The following GATAD2B variants were observed in gnomAD, a reference collection of about 807,000 sequenced individuals.
The protein encoded by GATAD2B is GATA zinc finger domain containing 2B.
GATAD2B carries 8 observed loss-of-function variants against 64.3 expected under a neutral mutation model. The observed-to-expected ratio is 0.12, with a 90% CI of 0.07 to 0.22. GATAD2B has a LOEUF of 0.22. GATAD2B is among the 10% of genes least tolerant of loss of function. The pLI, the probability that GATAD2B is intolerant of heterozygous loss-of-function variation, is 1.00. For synonymous variants in GATAD2B, 281 were observed against 271.3 expected, an observed-to-expected ratio of 1.04 and a Z score of -0.35; for missense variants, 453 against 752.0, an observed-to-expected ratio of 0.60 and a Z score of 4.65.
rs538107322 is a variant in GATAD2B at position 153,836,493 on chromosome 1, C to T, written c.-1-8145G>A. Reference sequence around the variant, plus strand: ...CTTGAACTCCTGACCTCAAGTGATCCGCCCACCTTGGCCTCCCAAAGTGCT... The same window carrying T: ...CTTGAACTCCTGACCTCAAGTGATCTGCCCACCTTGGCCTCCCAAAGTGCT... On this transcript the variant is annotated intron_variant, in intron 1 of 10. Transcript: ENST00000368655. Among the ~76,000 whole-genome samples the T allele has an allele frequency of 1.1e-4, 17 of 151,518 alleles. No individual in the cohort carries two copies. The South Asian group carries it at 3.3e-3, about 30-fold the overall frequency.
rs558422238 is a variant in GATAD2B at position 153,836,887 on chromosome 1, T to C, written c.-1-8539A>G. On this transcript the variant is annotated intron_variant, in intron 1 of 10. Transcript: ENST00000368655. ...GAAAGTAAGTCAAATAATTTCCCCT[T>C]ACTATACATTAATGATTCAAGAAAG... Among the ~76,000 whole-genome samples the C allele has an allele frequency of 2.0e-5, 3 of 152,286 alleles. No individual in the cohort carries two copies. In the East Asian group the frequency reaches 5.8e-4, roughly 29 times the overall value.
intron 1 of GATAD2B, chr1:153,890,880 G>A (rs7527406): frequency 0.83 from 126,889 of 152,128 alleles, 53,352 homozygotes; most frequent in Admixed American, 0.89. Flanking sequence ...ACCATGCAAA[G>A]TTTTTCTTTA....
Position 153,828,252 on chromosome 1 carries a change from G to C in GATAD2B, c.96C>G (p.Leu32=). 1 of 1,614,068 alleles carries C rather than the reference G, an allele frequency of 6.2e-7. No homozygotes were observed. The highest frequency in any genetic ancestry group is 8.5e-7 in the Non-Finnish European group (1 of 1,180,008). The part of the protein sequence containing the change: ...DERDDVLAKR[L]KMEGHEAMER... ...CCATGGCCTCATGCCCCTCCATTTT[G>C]AGTCGCTTTGCCAGGACATCATCTC... Residue 32 remains leucine (L), a synonymous_variant, in exon 2 of 11, where the codon CTC becomes CTG. Coordinates refer to ENST00000368655, the MANE Select transcript of GATAD2B (RefSeq NM_020699.4).
chr1:153,834,833 G>C (rs1034465922), intron 1 of GATAD2B, among the ~76,000 whole-genome samples: 1 of 152,066 alleles, frequency 6.6e-6, no homozygotes, highest in Non-Finnish European at 1.5e-5. Context: ...AAGGGAGCCT[G>C]GGCAAGGCAC....
At chr1:153,883,608 T>C (rs1677069301) in intron 1 of GATAD2B, among the ~76,000 whole-genome samples, 4 of 152,242 alleles carry the variant, frequency 2.6e-5, no homozygotes, top group African/African-American at 9.6e-5. Flanking sequence ...ACTAGTTCCA[T>C]GTTGATGATG....
At chr1:153,859,432 G>GATCC (rs1676198685) in intron 1 of GATAD2B, among the ~76,000 whole-genome samples, 1 of 150,908 alleles carries the variant, frequency 6.6e-6, no homozygotes, top group African/African-American at 2.4e-5. Context: ...CACTTTGGGA[G>GATCC]ACCCAGGTGG....
chr1:153,883,599 C>CTAG (rs1677069084), intron 1 of GATAD2B, among the ~76,000 whole-genome samples: 1 of 152,212 alleles, frequency 6.6e-6, no homozygotes, highest in South Asian at 2.1e-4. Context: ...CTGAAGCTCA[C>CTAG]TAGTTCCATG....
chr1:153,811,473 T>A (rs753541499), intron 10 of GATAD2B: 7 of 515,552 alleles, frequency 1.4e-5, no homozygotes, highest in Non-Finnish European at 2.0e-5. Flanking sequence ...AATAACCACA[T>A]GTCTACTGAA....
At chr1:153,904,225 A>G (rs912756377) in intron 1 of GATAD2B, among the ~76,000 whole-genome samples, 8 of 152,090 alleles carry the variant, frequency 5.3e-5, no homozygotes, top group African/African-American at 1.9e-4. Flanking sequence ...GGGTTCAGTG[A>G]GCCAAGATTA....
chr1:153,890,320 C>A (rs1429349314), intron 1 of GATAD2B, among the ~76,000 whole-genome samples: 1 of 151,562 alleles, frequency 6.6e-6, no homozygotes, highest in Non-Finnish European at 1.5e-5. Flanking sequence ...GACCCCGTCT[C>A]TCCTAAAAAT....
At chr1:153,917,726 C>A (rs1678316276) in intron 1 of GATAD2B, among the ~76,000 whole-genome samples, 1 of 152,166 alleles carries the variant, frequency 6.6e-6, no homozygotes, top group Non-Finnish European at 1.5e-5. Flanking sequence ...ACATGCCAGG[C>A]ACTGTACTAG....
In GATAD2B at chr1:153,921,618, A is replaced by G. The variant is rs561980674; in HGVS notation, c.-2+1115T>C. The stretch of plus-strand genomic sequence containing the variant: ...TACACACACACACACGCACACACAC[A>G]CGCCCCCCAAATAAGCATTTATCAG... On this transcript the variant is annotated intron_variant, in intron 1 of 10. Coordinates refer to ENST00000368655, the MANE Select transcript of GATAD2B (RefSeq NM_020699.4). 1.8e-3 allele frequency among the ~76,000 whole-genome samples: 280 copies of G among 151,902 alleles called. 2 individuals are homozygous for G. Among genetic ancestry groups the G allele is most frequent in the African/African-American group, 6.5e-3 (269 of 41,368 alleles).
rs181393348 is a variant in GATAD2B, at chr1:153,876,705, G to C, written c.-2+46028C>G. Among the ~76,000 whole-genome samples the C allele has an allele frequency of 4.1e-3, 621 of 152,336 alleles. 5 individuals carry two copies. The highest frequency in any genetic ancestry group is 0.014 in the African/African-American group (580 of 41,588). On this transcript the variant is annotated intron_variant, in intron 1 of 10. Transcript: ENST00000368655. Reference sequence around the variant, plus strand: ...AGCAAATGTGCCAGACAATCATTTAGAAAAGGTGATATGAGAGGTCAGGGC... The same window carrying C: ...AGCAAATGTGCCAGACAATCATTTACAAAAGGTGATATGAGAGGTCAGGGC...
intron 1 of GATAD2B, among the ~76,000 whole-genome samples, chr1:153,919,126 T>G (rs910248564): frequency 2.0e-5 from 3 of 152,226 alleles, no homozygotes; most frequent in African/African-American, 7.2e-5. Flanking sequence ...GTTACTATGA[T>G]TCTTTGAGGT....
intron 1 of GATAD2B, among the ~76,000 whole-genome samples, chr1:153,912,305 G>A (rs750213405): frequency 3.3e-5 from 5 of 152,122 alleles, no homozygotes; most frequent in Non-Finnish European, 5.9e-5. Context: ...TGAAGGTGAA[G>A]GCTAAGTTGG....
At chr1:153,922,470 C>T (rs1678482083) in intron 1 of GATAD2B, among the ~76,000 whole-genome samples, 2 of 145,890 alleles carry the variant, frequency 1.4e-5, no homozygotes. Flanking sequence ...AAGACCGGGT[C>T]GCGCGCGCCA....
intron 1 of GATAD2B, among the ~76,000 whole-genome samples, chr1:153,897,612 A>G (rs993368608): frequency 2.0e-5 from 3 of 152,178 alleles, no homozygotes; most frequent in Non-Finnish European, 4.4e-5. Flanking sequence ...AGTCAAAACT[A>G]CATTATATTG....
intron 1 of GATAD2B, among the ~76,000 whole-genome samples, chr1:153,837,958 C>T (rs1675334027): frequency 6.6e-6 from 1 of 152,168 alleles, no homozygotes; most frequent in African/African-American, 2.4e-5. Context: ...CTATTGGACA[C>T]TTTATCACGT....
chr1:153,880,461 TCAAAAA>T (rs528725979), intron 1 of GATAD2B, among the ~76,000 whole-genome samples: 147 of 151,666 alleles, frequency 9.7e-4, no homozygotes, highest in African/African-American at 2.9e-3. Context: ...AGTGAGACTG[TCAAAAA>T]CAAAAACAAA....
Sources: allele counts gnomAD v4.1 joint callset (sites outside exome capture counted in the v4.1 genomes callset), GRCh38; gene constraint gnomAD v4.1.1; transcripts MANE v1.5; gene names NCBI Gene and HGNC (gene_info 2026-07-23, HGNC 2026-07-21).